PADI1: variants seen among roughly 807,000 people sequenced by gnomAD.
PADI1 encodes the protein protein-arginine deiminase type-1.
Under a neutral mutation model 74.8 loss-of-function variants are expected in PADI1, and 65 were observed. The observed-to-expected ratio is 0.87, with a 90% CI of 0.71 to 1.07. The LOEUF (loss-of-function observed/expected upper bound fraction) is 1.07, where lower values mean the gene tolerates loss of function less well. Among genes scored for constraint, PADI1 ranks in the 50% least tolerant of loss-of-function variants. The pLI is 0.00. For missense variants in PADI1, 943 were observed against 854.0 expected, an observed-to-expected ratio of 1.10 and a Z score of -1.30; for synonymous variants, 371 against 336.2, an observed-to-expected ratio of 1.10 and a Z score of -1.13.
rs1228401926 is a variant in PADI1, at chr1:17,244,208, C to T, written c.1957C>T (p.Pro653Ser). 2 of 1,614,134 alleles carry T rather than the reference C, an allele frequency of 1.2e-6. No individual in the cohort carries two copies. The highest frequency in any genetic ancestry group is 4.5e-5 in the East Asian group (2 of 44,884). ...IHCGTNVRRK[P>S]FPFKWWNMVP ...CTGTGGCACCAACGTGCGCAGGAAG[C>T]CCTTTCCCTTCAAATGGTGGAACAT... The change falls in exon 16 of 16, where the codon CCC becomes TCC. Residue 653 changes from proline to serine, a missense_variant. Pro to Ser is a moderately conservative substitution (Grantham distance 74). Transcript: ENST00000375471.
intron 10 of PADI1, among the ~76,000 whole-genome samples, chr1:17,231,787 T>A (rs917787154): frequency 7.9e-5 from 12 of 151,904 alleles, no homozygotes; most frequent in Middle Eastern, 3.4e-3. Context: ...ATATATATAT[T>A]TTTTATTATA....
rs2072176266 is a variant in PADI1 at position 17,222,274 on chromosome 1, C to A, written c.93-16C>A. On this transcript the variant is annotated splice_polypyrimidine_tract_variant and intron_variant, in intron 1 of 15. Transcript: ENST00000375471. Reference sequence around the variant, plus strand: ...ATGGGAAGACTGGTTCTCTTCCCATCTCTCTTCTCTGCCAGTGATGTGCCC... The same window carrying A: ...ATGGGAAGACTGGTTCTCTTCCCATATCTCTTCTCTGCCAGTGATGTGCCC... 1.2e-6 allele frequency: 2 copies of A among 1,607,800 alleles called. No individual in the cohort carries two copies. Among genetic ancestry groups the A allele is most frequent in the Non-Finnish European group, 1.7e-6 (2 of 1,174,574 alleles).
intron 3 of PADI1, among the ~76,000 whole-genome samples, chr1:17,224,045 C>A (rs1326944345): frequency 2.6e-5 from 4 of 152,256 alleles, no homozygotes; most frequent in Admixed American, 6.5e-5. Flanking sequence ...CAGAACCCAG[C>A]CCCTGCAACC....
Position 17,228,807 on chromosome 1 carries a change from G to A in PADI1, c.825+10G>A, listed in dbSNP as rs757366141. The A allele has an allele frequency of 1.2e-6, 2 of 1,613,274 alleles. No individual in the cohort carries two copies. The highest frequency in any genetic ancestry group is 1.7e-6 in the Non-Finnish European group (2 of 1,179,566). On this transcript the variant is annotated intron_variant, in intron 7 of 15. Transcript: ENST00000375471. ...CCTGGTGGACCCGGGGGTGTGTACA[G>A]CACTGGGGGGTGGCCAAGGAGGCTG...
At chr1:17,226,864 A>G (rs1341026558) in intron 6 of PADI1, among the ~76,000 whole-genome samples, 2 of 152,074 alleles carry the variant, frequency 1.3e-5, no homozygotes, top group African/African-American at 4.8e-5. Context: ...CCTGGCTAAC[A>G]TGGAGAAAAC....
rs373482152 is a variant in PADI1 at position 17,212,920 on chromosome 1, C to T, written c.92+7611C>T. Reference sequence around the variant, plus strand: ...GGCTGTGGCTTTCCTGCCTTGGTGCCGCCACCCTCCCTAGGCCTCCCTGGC... The same window carrying T: ...GGCTGTGGCTTTCCTGCCTTGGTGCTGCCACCCTCCCTAGGCCTCCCTGGC... On this transcript the variant is annotated intron_variant, in intron 1 of 15. Transcript: ENST00000375471. Among the ~76,000 whole-genome samples the T allele has an allele frequency of 9.8e-5, 15 of 152,294 alleles. No homozygotes were observed. In the East Asian group the frequency reaches 1.2e-3, roughly 12 times the overall value.
rs1557490036 is a variant in PADI1 at position 17,245,070 on chromosome 1, T to C, written c.*827T>C. On this transcript the variant is annotated 3_prime_UTR_variant, in exon 16 of 16. Coordinates refer to ENST00000375471, the MANE Select transcript of PADI1 (RefSeq NM_013358.3). This position sits in a 1 kb window ranked among gnomAD's most constrained non-coding sequence, Gnocchi z 4.1. ...CGACGGATTTGGGGGCCTAGAGGTG[T>C]CCGTGGTTCCTGGGCTGGGATTTTG... 6.5e-6 allele frequency: 1 copy of C among 153,460 alleles called. No individual in the cohort carries two copies. The highest frequency in any genetic ancestry group is 1.5e-5 in the Non-Finnish European group (1 of 68,794). The allele number at this position is 153,460 out of a possible 1,614,324, so 9.5% of individuals were successfully genotyped here.
chr1:17,218,764 G>A (rs2072048171), intron 1 of PADI1, among the ~76,000 whole-genome samples: 1 of 152,232 alleles, frequency 6.6e-6, no homozygotes, highest in Non-Finnish European at 1.5e-5. Context: ...TGGGTGCAAG[G>A]GAGGGGAGAA....
At chr1:17,213,415 A>G (rs1217089010) in intron 1 of PADI1, among the ~76,000 whole-genome samples, 1 of 152,114 alleles carries the variant, frequency 6.6e-6, no homozygotes. Flanking sequence ...CGTCCTATAA[A>G]ATCCCCAGCA....
Position 17,240,824 on chromosome 1 carries a change from G to A in PADI1, c.1758+64G>A, listed in dbSNP as rs1029417298. 22 of 1,573,932 alleles carry A rather than the reference G, an allele frequency of 1.4e-5. No individual in the cohort carries two copies. In the African/African-American group the frequency reaches 2.4e-4, roughly 17 times the overall value. On this transcript the variant is annotated intron_variant, in intron 15 of 15. Transcript: ENST00000375471. ...GGGGCTCTGAGAAGAAGCACTCCCTGGCCCAGGGCAGGCTGGTGCAGAGGC... is the reference window on the plus strand; with the variant it reads ...GGGGCTCTGAGAAGAAGCACTCCCTAGCCCAGGGCAGGCTGGTGCAGAGGC...
intron 1 of PADI1, among the ~76,000 whole-genome samples, chr1:17,216,340 G>C (rs2100421056): frequency 6.6e-6 from 1 of 152,314 alleles, no homozygotes; most frequent in Non-Finnish European, 1.5e-5. Context: ...GACAGGATGT[G>C]AGCTGTGGCA....
chr1:17,215,298 T>TA (rs1235623172), intron 1 of PADI1, among the ~76,000 whole-genome samples: 1 of 152,168 alleles, frequency 6.6e-6, no homozygotes, highest in African/African-American at 2.4e-5. Flanking sequence ...GGAGCAGATC[T>TA]AGACTACAGG....
Position 17,244,266 on chromosome 1 carries a change from C to A in PADI1, c.*23C>A. ...TGAGCCTGCCCCCACCCGCCATCCT[C>A]TCTGCCCTCTTGCTAGGGAACCCTG... On this transcript the variant is annotated 3_prime_UTR_variant, in exon 16 of 16. Transcript: ENST00000375471. The A allele has an allele frequency of 6.4e-7, 1 of 1,570,252 alleles. No homozygotes were observed. The highest frequency in any genetic ancestry group is 8.8e-7 in the Non-Finnish European group (1 of 1,140,148).
intron 2 of PADI1, 100 bp downstream of exon 2, chr1:17,222,570 A>T: frequency 1.1e-6 from 1 of 900,112 alleles, no homozygotes. Context: ...CTCCCCACTT[A>T]ACCAAACCTC....
Position 17,237,338 on chromosome 1 carries a change from G to C in PADI1, c.1338G>C (p.Arg446Ser). ...FPKSGGRQMARAVRNFLKAQQ... is the reference protein window; with the variant it reads ...FPKSGGRQMASAVRNFLKAQQ... ...GGTCCGGTGGGCGGCAGATGGCCAG[G>C]GCAGTGCGGAACTTCCTGAAGGCAC... is the stretch of plus-strand genomic sequence containing the variant. Residue 446 changes from arginine (R) to serine (S), a missense_variant, in exon 12 of 16, where the codon AGG becomes AGC. Coordinates refer to ENST00000375471, the MANE Select transcript of PADI1 (RefSeq NM_013358.3). The C allele has an allele frequency of 3.7e-6, 6 of 1,611,630 alleles. No individual in the cohort carries two copies. The highest frequency in any genetic ancestry group is 5.1e-6 in the Non-Finnish European group (6 of 1,178,726).
intron 1 of PADI1, among the ~76,000 whole-genome samples, chr1:17,206,149 A>C (rs1218881532): frequency 6.6e-6 from 1 of 152,060 alleles, no homozygotes; most frequent in African/African-American, 2.4e-5. Context: ...GTGGGGCTGA[A>C]CCCCTTGCAG....
In PADI1 at chr1:17,238,817, A is replaced by C. The variant is rs2072713130; in HGVS notation, c.1552+108A>C. 3 of 490,582 alleles carry C rather than the reference A, an allele frequency of 6.1e-6. No individual in the cohort carries two copies. The East Asian group carries it at 1.1e-4, about 17-fold the overall frequency. The allele number at this position is 490,582 out of a possible 1,614,324, so 30.4% of individuals were successfully genotyped here. The stretch of plus-strand genomic sequence containing the variant: ...CTCTCAGCTGGACTCAGAACCCAAC[A>C]CCCACTCTCTGTTTCTTGGGTCCCC... On this transcript the variant is annotated intron_variant, in intron 13 of 15. Coordinates refer to ENST00000375471, the MANE Select transcript of PADI1 (RefSeq NM_013358.3).
chr1:17,226,815 C>T (rs962563046), intron 6 of PADI1, among the ~76,000 whole-genome samples: 4 of 151,850 alleles, frequency 2.6e-5, no homozygotes, highest in Admixed American at 6.6e-5. Context: ...TTTGAGAGGC[C>T]GAGGAGGGTG....
intron 1 of PADI1, among the ~76,000 whole-genome samples, chr1:17,221,222 A>T (rs1281073830): frequency 2.6e-5 from 4 of 152,208 alleles, no homozygotes; most frequent in Admixed American, 6.5e-5. Context: ...GCATCCATTC[A>T]TTCACACGTG....
Sources: allele counts gnomAD v4.1 joint callset (sites outside exome capture counted in the v4.1 genomes callset), GRCh38; gene constraint gnomAD v4.1.1; non-coding constraint Gnocchi (gnomAD v3.1); transcripts MANE v1.5; gene names NCBI Gene and HGNC (gene_info 2026-07-23, HGNC 2026-07-21).